The following ASXL2 variants were observed in gnomAD, a reference collection of about 807,000 sequenced individuals.
ASXL2 encodes putative Polycomb group protein ASXL2.
ASXL2 carries 23 observed loss-of-function variants against 122.0 expected under a neutral mutation model. The ratio of observed to expected loss-of-function variants is 0.19; its 90% confidence interval spans 0.14 to 0.27. The LOEUF (loss-of-function observed/expected upper bound fraction) is 0.27, where lower values mean the gene tolerates loss of function less well. ASXL2 is among the 10% of genes least tolerant of loss of function. ASXL2 has a pLI of 1.00. For missense variants in ASXL2, 1,518 were observed against 1,713.8 expected (o/e 0.89, Z 2.02); for synonymous variants, 650 against 637.0 (o/e 1.02, Z -0.31).
Position 25,742,942 on chromosome 2 carries a change from C to A in ASXL2, c.3395G>T (p.Gly1132Val). The change falls in exon 13 of 13, where the codon GGC (glycine) becomes GTC (valine). Residue 1132 changes from glycine to valine, a missense_variant. Physicochemically the swap from Gly to Val is moderately radical, Grantham distance 109 (BLOSUM62 -3). Coordinates refer to ENST00000435504, the MANE Select transcript of ASXL2 (RefSeq NM_018263.6). ...CCTCCTAAAGCTCTCTGAGCCCCGG[C>A]CGTAGGTAGAAATATTCAGTAAGTA... is the stretch of plus-strand genomic sequence containing the variant. ...GHYLLNISTY[G>V]RGSESFRRTH... The A allele has an allele frequency of 6.2e-7, 1 of 1,613,950 alleles. No homozygotes were observed. Among genetic ancestry groups the A allele is most frequent in the Admixed American group, 1.7e-5 (1 of 60,030 alleles).
rs1199113306 is a variant in ASXL2, at chr2:25,771,608, A to G, written c.404-68T>C. 7 of 1,260,752 alleles carry G rather than the reference A, an allele frequency of 5.6e-6. No homozygotes were observed. In the African/African-American group the frequency reaches 6.0e-5, roughly 11 times the overall value. 78.1% of individuals were successfully genotyped at this position (1,260,752 alleles called of 1,614,324 possible). On this transcript the variant is annotated intron_variant, in intron 5 of 12. Coordinates refer to ENST00000435504, the MANE Select transcript of ASXL2 (RefSeq NM_018263.6). ...GATACCAAGCACCATTCCTTCCCCA[A>G]TCATATGCTGCTACCTGGAGTAAGA... is the stretch of plus-strand genomic sequence containing the variant.
chr2:25,823,913 TTTAA>T (rs1177276905), intron 3 of ASXL2, among the ~76,000 whole-genome samples: 2 of 151,864 alleles, frequency 1.3e-5, no homozygotes, highest in African/African-American at 4.8e-5. Context: ...AGTTTTTATT[TTTAA>T]TTGAGGAAAA....
intron 2 of ASXL2, among the ~76,000 whole-genome samples, chr2:25,838,351 T>G (rs930005609): frequency 6.6e-6 from 1 of 152,218 alleles, no homozygotes; most frequent in Admixed American, 6.5e-5. Flanking sequence ...TACCTTTGAA[T>G]AGTTAATCCC....
At chr2:25,759,840 AAAG>A (rs1410734778) in intron 8 of ASXL2, among the ~76,000 whole-genome samples, 195 bp from the exon 9 acceptor site, 4 of 152,212 alleles carry the variant, frequency 2.6e-5, no homozygotes, top group African/African-American at 9.6e-5. Flanking sequence ...ATAGAGGATA[AAAG>A]AATACAATGT....
intron 3 of ASXL2, among the ~76,000 whole-genome samples, chr2:25,827,375 T>C (rs1445743800): frequency 6.6e-6 from 1 of 152,152 alleles, no homozygotes; most frequent in Non-Finnish European, 1.5e-5. Flanking sequence ...CACACTTACA[T>C]TGGAAATTTC....
In ASXL2 at chr2:25,860,318, A is replaced by T. The variant is rs560188780; in HGVS notation, c.58-14755T>A. Among the ~76,000 whole-genome samples the T allele has an allele frequency of 5.3e-5, 8 of 151,174 alleles. No homozygotes were observed. In the South Asian group the frequency reaches 1.7e-3, roughly 32 times the overall value. On this transcript the variant is annotated intron_variant, in intron 1 of 12. Coordinates refer to ENST00000435504, the MANE Select transcript of ASXL2 (RefSeq NM_018263.6). ...AAGAGCGAAACTCCGCCTCAAAAAT[A>T]AAAAAAAATGGAAACAAAAAAATAT... is the stretch of plus-strand genomic sequence containing the variant.
intron 5 of ASXL2, among the ~76,000 whole-genome samples, chr2:25,793,127 G>A (rs755908955): frequency 2.8e-4 from 43 of 152,006 alleles, no homozygotes; most frequent in Admixed American, 9.8e-4. Flanking sequence ...CAGCTACTGG[G>A]GAGGCTGTGG....
At position 25,739,372 on chromosome 2, in the gene ASXL2, T is replaced by G. The variant is rs973553455; in HGVS notation, c.*2657A>C. The G allele has an allele frequency of 4.5e-5, 8 of 175,830 alleles. No individual in the cohort carries two copies. Among genetic ancestry groups the G allele is most frequent in the African/African-American group, 1.7e-4 (7 of 42,130 alleles). The allele number at this position is 175,830 out of a possible 1,614,324, so 10.9% of individuals were successfully genotyped here. A position where few individuals can be genotyped will look rare whatever the true frequency, so the allele number is the denominator to read the frequency against. On this transcript the variant is annotated 3_prime_UTR_variant, in exon 13 of 13. Coordinates refer to ENST00000435504, the MANE Select transcript of ASXL2 (RefSeq NM_018263.6). ...CTAAAAGGCCAGATTGTAATGTGTT[T>G]TTTTTTTTTTTAATTTTTCTGTTCA...
intron 5 of ASXL2, chr2:25,780,143 G>A (rs1311065391): frequency 6.6e-6 from 1 of 151,964 alleles, no homozygotes; most frequent in Non-Finnish European, 1.5e-5. Flanking sequence ...GAGCCAACAT[G>A]CCTGGCCCAT....
At chr2:25,757,357 G>A (rs193144898) in intron 9 of ASXL2, among the ~76,000 whole-genome samples, 25 of 151,772 alleles carry the variant, frequency 1.6e-4, no homozygotes, top group Non-Finnish European at 3.1e-4. Context: ...AGAATACCCT[G>A]GCTGGGCGCG....
intron 1 of ASXL2, among the ~76,000 whole-genome samples, chr2:25,867,003 C>A (rs533875276): frequency 6.6e-5 from 10 of 151,892 alleles, no homozygotes; most frequent in African/African-American, 2.2e-4. Flanking sequence ...CAGGTTCAAG[C>A]GATTCTCCTG....
chr2:25,862,277 A>G (rs1030458703), intron 1 of ASXL2, among the ~76,000 whole-genome samples: 1 of 152,254 alleles, frequency 6.6e-6, no homozygotes. Flanking sequence ...AAACTGATAC[A>G]AAGCCAAACA....
rs377609636 is a variant in ASXL2, at chr2:25,742,490, G to C, written c.3847C>G (p.Arg1283Gly). 1 of 1,613,802 alleles carries C rather than the reference G, an allele frequency of 6.2e-7. No individual in the cohort carries two copies. Among genetic ancestry groups the C allele is most frequent in the Admixed American group, 1.7e-5 (1 of 60,006 alleles). ...GAACTGAAAAGCTCGGGGCTGCTAC[G>C]GATTGCCTTACCTCTCACTGCATGA... is the stretch of plus-strand genomic sequence containing the variant. ...MAHAVRGKAI[R>G]SSPELFSSTV... The change falls in exon 13 of 13, where the codon CGT becomes GGT. Residue 1283 changes from arginine (R) to glycine (G), a missense_variant. Around this residue, in one of 8 missense-constraint regions of ASXL2, gnomAD observed 831 missense variants for 833.1 expected, o/e 1.00. Coordinates refer to ENST00000435504, the MANE Select transcript of ASXL2 (RefSeq NM_018263.6).
chr2:25,790,800 C>T (rs947805708), intron 5 of ASXL2, among the ~76,000 whole-genome samples: 10 of 108,812 alleles, frequency 9.2e-5, no homozygotes, highest in East Asian at 2.6e-4. Context: ...AGTTTTTTGT[C>T]TTTTTTTTTT....
intron 2 of ASXL2, among the ~76,000 whole-genome samples, chr2:25,843,127 C>T (rs2089607056): frequency 6.6e-6 from 1 of 151,580 alleles, no homozygotes; most frequent in African/African-American, 2.4e-5. Context: ...GGTGAAACCA[C>T]GTCTCTAATA....
intron 1 of ASXL2, among the ~76,000 whole-genome samples, 165 bp from the exon 2 acceptor site, chr2:25,845,728 C>T: frequency 6.6e-6 from 1 of 152,170 alleles, no homozygotes; most frequent in Admixed American, 6.5e-5. Flanking sequence ...CACATCCCTT[C>T]ACTACCTGTG....
chr2:25,792,272 G>T (rs972036730), intron 5 of ASXL2, among the ~76,000 whole-genome samples: 12 of 152,188 alleles, frequency 7.9e-5, no homozygotes, highest in African/African-American at 2.7e-4. Context: ...AAAGTGCTGG[G>T]ATTATAGGTG....
chr2:25,773,451 G>T (rs993914897), intron 5 of ASXL2, among the ~76,000 whole-genome samples: 1 of 151,908 alleles, frequency 6.6e-6, no homozygotes, highest in East Asian at 1.9e-4. Context: ...GGATCACAAG[G>T]TCAGGAGATT....
chr2:25,786,782 G>C (rs1216909997), intron 5 of ASXL2, among the ~76,000 whole-genome samples: 1 of 151,624 alleles, frequency 6.6e-6, no homozygotes, highest in Non-Finnish European at 1.5e-5. Flanking sequence ...TTGAACCCTG[G>C]AGGTGGAGGT....
Sources: gnomAD v4.1 joint callset for allele counts (sites outside exome capture counted in the v4.1 genomes callset) on GRCh38, gnomAD v4.1.1 for gene constraint, gnomAD v4.1.1 regional missense constraint, MANE v1.5 for transcripts, NCBI Gene and HGNC (gene_info 2026-07-23, HGNC 2026-07-21) for gene names.